KATNAL2: variants seen among roughly 807,000 people sequenced by gnomAD.
KATNAL2 encodes katanin catalytic subunit A1 like 2.
In KATNAL2, 52 loss-of-function variants were observed where a neutral mutation model predicts 76.3. That is an observed-to-expected ratio of 0.68 (90% CI 0.55 to 0.86). The LOEUF is 0.86. KATNAL2 is among the 40% of genes least tolerant of loss of function. KATNAL2 has a pLI of 0.00. For missense variants in KATNAL2, 660 were observed against 668.9 expected (o/e 0.99, Z 0.15); for synonymous variants, 243 against 244.2 (o/e 1.00, Z 0.05).
intron 1 of KATNAL2, among the ~76,000 whole-genome samples, chr18:46,933,088 T>A (rs2058982860): frequency 6.6e-6 from 1 of 152,106 alleles, no homozygotes; most frequent in Admixed American, 6.6e-5. Flanking sequence ...ATCTCACTTA[T>A]AAACTGCAAA....
chr18:47,090,399 G>A (rs950385184), intron 15 of KATNAL2, among the ~76,000 whole-genome samples: 1 of 152,038 alleles, frequency 6.6e-6, no homozygotes, highest in Non-Finnish European at 1.5e-5. Context: ...GAGCCACCGC[G>A]CCCAGCCCGA....
Position 47,099,102 on chromosome 18 carries a change from C to T in KATNAL2, c.1212-141C>T, listed in dbSNP as rs17710643. ...TTTCTCCAAATAATATTAATTGTCC[C>T]ATCCACTCAAGGCATAGATGTAGAG... On this transcript the variant is annotated intron_variant, in intron 15 of 17. Transcript: ENST00000683218. The T allele has an allele frequency of 3.2e-3, 2,244 of 699,432 alleles. 10 individuals are homozygous for T. The highest frequency in any genetic ancestry group is 4.5e-3 in the Non-Finnish European group (1,916 of 428,666). The allele number at this position is 699,432 out of a possible 1,614,324, so 43.3% of individuals were successfully genotyped here.
At chr18:47,074,111 G>A (rs1455221305) in intron 13 of KATNAL2, among the ~76,000 whole-genome samples, 1 of 152,172 alleles carries the variant, frequency 6.6e-6, no homozygotes, top group African/African-American at 2.4e-5. Flanking sequence ...AAAGTTATTT[G>A]CCCTGAATTA....
intron 3 of KATNAL2, among the ~76,000 whole-genome samples, chr18:47,036,623 G>A (rs2060784654): frequency 6.6e-6 from 1 of 152,282 alleles, no homozygotes; most frequent in African/African-American, 2.4e-5. Context: ...TTTTACTCTT[G>A]TCTCTAGCTA....
chr18:47,074,099 G>A lies in KATNAL2; in HGVS notation c.1009-1178G>A, dbSNP rs553327046. Among the ~76,000 whole-genome samples, 508 of 152,282 alleles carry A rather than the reference G, an allele frequency of 3.3e-3. 2 individuals are homozygous for A. Among genetic ancestry groups the A allele is most frequent in the Non-Finnish European group, 5.0e-3 (339 of 68,018 alleles). ...CTTTGTGTATGTGTGTGACAAGGACGGAAAGTTATTTGCCCTGAATTAGGT... is the reference window on the plus strand; with the variant it reads ...CTTTGTGTATGTGTGTGACAAGGACAGAAAGTTATTTGCCCTGAATTAGGT... On this transcript the variant is annotated intron_variant, in intron 13 of 17. Coordinates refer to ENST00000683218, the MANE Select transcript of KATNAL2 (RefSeq NM_001387690.1).
At chr18:47,081,429 T>A (rs1372195314) in intron 15 of KATNAL2, among the ~76,000 whole-genome samples, 1 of 152,244 alleles carries the variant, frequency 6.6e-6, no homozygotes, top group Non-Finnish European at 1.5e-5. Flanking sequence ...AATATCAGTA[T>A]AAAAATTAGT....
chr18:47,059,929 C>T (rs1022972352), intron 8 of KATNAL2, among the ~76,000 whole-genome samples: 21 of 152,082 alleles, frequency 1.4e-4, no homozygotes, highest in African/African-American at 5.1e-4. Flanking sequence ...TCTAGTGTTC[C>T]CATCAGCTTA....
chr18:46,959,723 G>A (rs1459225752), intron 3 of KATNAL2, among the ~76,000 whole-genome samples: 7 of 152,094 alleles, frequency 4.6e-5, no homozygotes, highest in African/African-American at 9.6e-5. Context: ...ACAGGCGTCC[G>A]CCACCATGCC....
chr18:46,943,404 A>G (rs1452829742), intron 1 of KATNAL2, among the ~76,000 whole-genome samples: 5 of 152,166 alleles, frequency 3.3e-5, no homozygotes, highest in South Asian at 2.1e-4. Flanking sequence ...ATACAGAACA[A>G]AGACCTTGCT....
Position 47,083,706 on chromosome 18 carries a change from A to G in KATNAL2, c.1211+6245A>G, listed in dbSNP as rs550547805. ...TAACAAATGCTGCACCTTCAATATT[A>G]CTGCTTAAAATAATAGCCATGTAAG... On this transcript the variant is annotated intron_variant, in intron 15 of 17. Coordinates refer to ENST00000683218, the MANE Select transcript of KATNAL2 (RefSeq NM_001387690.1). Among the ~76,000 whole-genome samples the G allele has an allele frequency of 6.2e-4, 94 of 152,340 alleles. 1 individual carries two copies. The highest frequency in any genetic ancestry group is 2.1e-3 in the African/African-American group (88 of 41,586).
intron 15 of KATNAL2, among the ~76,000 whole-genome samples, chr18:47,082,186 T>C (rs969286389): frequency 2.0e-5 from 3 of 152,210 alleles, no homozygotes; most frequent in Non-Finnish European, 4.4e-5. Context: ...AAAGAGCTAA[T>C]GTGGGATTTC....
intron 3 of KATNAL2, chr18:47,034,451 T>G (rs771624246): frequency 1.2e-6 from 2 of 1,614,076 alleles, no homozygotes; most frequent in Non-Finnish European, 1.7e-6. Context: ...TGCCTGTCCC[T>G]GGCACTTGCC....
At chr18:47,069,751 T>C (rs1324726384) in intron 13 of KATNAL2, 151 bp downstream of exon 13, 1 of 570,554 alleles carries the variant, frequency 1.8e-6, no homozygotes, top group Non-Finnish European at 3.1e-6. Context: ...GGGAAATGGA[T>C]TGTCTATTAC....
chr18:47,031,794 T>A (rs1161890098), intron 3 of KATNAL2, among the ~76,000 whole-genome samples: 7 of 152,196 alleles, frequency 4.6e-5, no homozygotes, highest in Middle Eastern at 3.2e-3. Flanking sequence ...GAGTTTTATA[T>A]GGTTACTGGC....
intron 1 of KATNAL2, among the ~76,000 whole-genome samples, chr18:46,933,592 C>T (rs548501118): frequency 1.3e-5 from 2 of 152,066 alleles, no homozygotes; most frequent in African/African-American, 2.4e-5. Flanking sequence ...CAAAAATTAT[C>T]TCCACAATAA....
At chr18:47,065,004 G>A (rs1019422875) in intron 10 of KATNAL2, among the ~76,000 whole-genome samples, 10 of 152,100 alleles carry the variant, frequency 6.6e-5, no homozygotes, top group Non-Finnish European at 1.3e-4. Flanking sequence ...CTTGTGTGCC[G>A]AGATTTCACT....
At chr18:46,933,868 A>T (rs570564086) in intron 1 of KATNAL2, among the ~76,000 whole-genome samples, 1 of 143,272 alleles carries the variant, frequency 7.0e-6, no homozygotes, top group Non-Finnish European at 1.5e-5. Flanking sequence ...TCATTGTTCA[A>T]TTCCCACCTA....
chr18:47,033,789 G>T (rs758467557), intron 3 of KATNAL2: 3 of 1,614,116 alleles, frequency 1.9e-6, no homozygotes, highest in South Asian at 2.2e-5. Context: ...TTGGTGAAGA[G>T]AGTGCTTCTG....
At chr18:47,034,105 A>C in intron 3 of KATNAL2, 2 of 1,614,180 alleles carry the variant, frequency 1.2e-6, no homozygotes, top group Non-Finnish European at 1.7e-6. Flanking sequence ...ATCGTAGGTG[A>C]GGTATTTTTC....
Sources: allele counts gnomAD v4.1 joint callset (sites outside exome capture counted in the v4.1 genomes callset), GRCh38; gene constraint gnomAD v4.1.1; transcripts MANE v1.5; gene names NCBI Gene and HGNC (gene_info 2026-07-23, HGNC 2026-07-21).